The following AKAP13 variants were observed in gnomAD, a reference collection of about 807,000 sequenced individuals.
The protein encoded by AKAP13 is A-kinase anchor protein 13.
A neutral mutation model predicts 264.5 loss-of-function variants in AKAP13; 80 were observed. The observed-to-expected ratio is 0.30, with a 90% CI of 0.25 to 0.36. The LOEUF is 0.36. AKAP13 is among the 10% of genes least tolerant of loss of function. The pLI, the probability that AKAP13 is intolerant of heterozygous loss-of-function variation, is 1.00. For synonymous variants in AKAP13, 1,380 were observed against 1,250.2 expected (o/e 1.10, Z -2.19); for missense variants, 3,712 against 3,435.2 (o/e 1.08, Z -2.01).
chr15:85,487,854 C>G (rs946160064), intron 2 of AKAP13, among the ~76,000 whole-genome samples: 1 of 151,792 alleles, frequency 6.6e-6, no homozygotes, highest in African/African-American at 2.4e-5. Context: ...ACCTCAGCCT[C>G]CTGAGTAGCT....
rs767487491 is a variant in AKAP13, at chr15:85,735,104, A to G, written c.7395A>G (p.Ala2465=). 1.2e-6 allele frequency: 2 copies of G among 1,614,216 alleles called. No homozygotes were observed. The highest frequency in any genetic ancestry group is 1.7e-6 in the Non-Finnish European group (2 of 1,180,026). Residue 2465 remains alanine, a synonymous_variant, in exon 31 of 37, where the codon GCA becomes GCG. Transcript: ENST00000394518. ...VVGPVSLPRR[A]ETFGGFDSHQ... ...GTCCCGTTTCCCTGCCCCGGAGAGC[A>G]GAGACCTTTGGAGGATTTGACAGCC...
chr15:85,715,717 T>C (rs2086895115), intron 19 of AKAP13, 71 bp from the exon 20 acceptor site: 2 of 1,247,778 alleles, frequency 1.6e-6, no homozygotes, highest in South Asian at 1.5e-5. Flanking sequence ...TTCTGCTTGT[T>C]ATTTGTCAGA....
chr15:85,554,291 G>A (rs1200307126), intron 5 of AKAP13, among the ~76,000 whole-genome samples: 2 of 152,130 alleles, frequency 1.3e-5, no homozygotes, highest in Non-Finnish European at 2.9e-5. Flanking sequence ...GATTAAACAA[G>A]AACATGTTTA....
At chr15:85,625,829 TTGAG>T (rs143810798) in intron 8 of AKAP13, among the ~76,000 whole-genome samples, 7,623 of 152,300 alleles carry the variant, frequency 0.05, 321 homozygotes, top group Admixed American at 0.15. Flanking sequence ...CCTTGGTTGT[TTGAG>T]TGAGAAAGAA....
rs899797881 is a variant in AKAP13, at chr15:85,521,986, C to T, written c.181+411C>T. 3.3e-5 allele frequency among the ~76,000 whole-genome samples: 5 copies of T among 152,066 alleles called. No individual in the cohort carries two copies. In the South Asian group the frequency reaches 6.2e-4, roughly 19 times the overall value. ...AAAAGAAGGTAGTCAGCATAGATAC[C>T]GATTTCTTTTCTGAAGAGTATTAGA... On this transcript the variant is annotated intron_variant, in intron 3 of 36. Transcript: ENST00000394518.
chr15:85,619,317 A>G (rs2081074767), intron 8 of AKAP13: 5 of 968,812 alleles, frequency 5.2e-6, no homozygotes, highest in Non-Finnish European at 6.1e-6. Flanking sequence ...TTGAGAGAGA[A>G]GGAAAAAGGG....
intron 2 of AKAP13, among the ~76,000 whole-genome samples, chr15:85,508,268 T>G (rs887059297): frequency 1.3e-5 from 2 of 151,918 alleles, no homozygotes; most frequent in East Asian, 3.9e-4. Context: ...CTCAGCCTCC[T>G]GAGTAGCTGG....
At chr15:85,662,709 C>A (rs755777415) in intron 12 of AKAP13, among the ~76,000 whole-genome samples, 14 of 152,216 alleles carry the variant, frequency 9.2e-5, no homozygotes, top group Non-Finnish European at 1.3e-4. Context: ...ATTTATCTCT[C>A]TCTGTTTTGG....
At chr15:85,456,130 G>T (rs80197067) in intron 1 of AKAP13, among the ~76,000 whole-genome samples, 3,503 of 152,194 alleles carry the variant, frequency 0.023, 139 homozygotes, top group African/African-American at 0.08. Context: ...GTAGTCCATG[G>T]CATTTTTCCA....
At chr15:85,512,716 G>C (rs2076471732) in intron 2 of AKAP13, among the ~76,000 whole-genome samples, 1 of 152,176 alleles carries the variant, frequency 6.6e-6, no homozygotes. Context: ...ACCTCAGTCA[G>C]CCCCTCACCT....
chr15:85,740,398 G>C (rs1597238798), intron 34 of AKAP13, 126 bp downstream of exon 34: 1 of 1,038,654 alleles, frequency 9.6e-7, no homozygotes, highest in South Asian at 1.5e-5. Context: ...TCAGTCTAGG[G>C]AAGACTGGCT....
At chr15:85,407,405 A>C (rs541028222) in intron 1 of AKAP13, among the ~76,000 whole-genome samples, 2 of 151,138 alleles carry the variant, frequency 1.3e-5, no homozygotes, top group East Asian at 3.9e-4. Context: ...TTTTTTTAAA[A>C]TTTTTTTTAT....
In AKAP13 at chr15:85,430,392, A is replaced by C. The variant is rs140033073; in HGVS notation, c.-12+49594A>C. On this transcript the variant is annotated intron_variant, in intron 1 of 36. Coordinates refer to ENST00000394518, the MANE Select transcript of AKAP13 (RefSeq NM_007200.5). ...TTCCTAAGCATTTAGAAATTAGTTG[A>C]AGTTGTAAACACTGTTAGCTGAATA... 4.6e-5 allele frequency among the ~76,000 whole-genome samples: 7 copies of C among 152,346 alleles called. No homozygotes were observed. In the East Asian group the frequency reaches 1.2e-3, roughly 25 times the overall value.
Position 85,655,504 on chromosome 15 carries a change from G to T in AKAP13, c.4462G>T (p.Gly1488Cys). 6.2e-7 allele frequency: 1 copy of T among 1,614,194 alleles called. No homozygotes were observed. Among genetic ancestry groups the T allele is most frequent in the Non-Finnish European group, 8.5e-7 (1 of 1,180,036 alleles). Residue 1488 changes from glycine (G) to cysteine (C), a missense_variant, in exon 11 of 37, where the codon GGC becomes TGC. Gly to Cys is a radical substitution (Grantham distance 159). Transcript: ENST00000394518. Reference protein sequence around the residue: ...TASLDRHSSHGSDVSLSQILK... With the variant: ...TASLDRHSSHCSDVSLSQILK... ...TTCACTGGACCGACATTCTTCTCATGGCAGTGATGTGTCTCTCTCCCAGAT... is the reference window on the plus strand; with the variant it reads ...TTCACTGGACCGACATTCTTCTCATTGCAGTGATGTGTCTCTCTCCCAGAT...
rs2077251161 is a variant in AKAP13 at position 85,531,806 on chromosome 15, T to G, written c.182-1778T>G. ...TCAGTGTTCATGTGAAGACTTATCT[T>G]CATGGTTCATGAACCAATTATTCTT... On this transcript the variant is annotated intron_variant, in intron 3 of 36. Transcript: ENST00000394518. Among the ~76,000 whole-genome samples the G allele has an allele frequency of 1.3e-5, 2 of 152,200 alleles. 1 individual carries two copies. Among genetic ancestry groups the G allele is most frequent in the South Asian group, 4.1e-4 (2 of 4,824 alleles).
intron 33 of AKAP13, among the ~76,000 whole-genome samples, chr15:85,737,776 T>C (rs2088648835): frequency 2.0e-5 from 3 of 152,134 alleles, no homozygotes; most frequent in Admixed American, 2.0e-4. Flanking sequence ...TAGCTGGGAC[T>C]ACAGGCCCGC....
chr15:85,682,458 T>C (rs1303132002), intron 15 of AKAP13, among the ~76,000 whole-genome samples: 1 of 152,218 alleles, frequency 6.6e-6, no homozygotes, highest in Admixed American at 6.5e-5. Context: ...GATGTGAGGG[T>C]ACACTATTAT....
At chr15:85,695,142 C>T (rs761644835) in intron 17 of AKAP13, among the ~76,000 whole-genome samples, 1 of 152,106 alleles carries the variant, frequency 6.6e-6, no homozygotes, top group Non-Finnish European at 1.5e-5. Context: ...TGGTGGCTCA[C>T]GACTATAATC....
chr15:85,527,206 G>T (rs1357927034), intron 3 of AKAP13, among the ~76,000 whole-genome samples: 1 of 152,032 alleles, frequency 6.6e-6, no homozygotes, highest in Admixed American at 6.6e-5. Flanking sequence ...CTCGTGATCC[G>T]CCCGCCTTGG....
Sources: allele counts gnomAD v4.1 joint callset (sites outside exome capture counted in the v4.1 genomes callset), GRCh38; gene constraint gnomAD v4.1.1; transcripts MANE v1.5; gene names NCBI Gene and HGNC (gene_info 2026-07-23, HGNC 2026-07-21).